Variants in ASAP1 observed in about 807,000 individuals in gnomAD.
The protein encoded by ASAP1 is arf-GAP with SH3 domain, ANK repeat and PH domain-containing protein 1.
A neutral mutation model predicts 145.2 loss-of-function variants in ASAP1; 43 were observed. The observed-to-expected ratio is 0.30, with a 90% CI of 0.23 to 0.38. The LOEUF (loss-of-function observed/expected upper bound fraction) is 0.38. ASAP1 is among the 10% of genes least tolerant of loss of function. The pLI, the probability that ASAP1 is intolerant of heterozygous loss-of-function variation, is 1.00. For synonymous variants in ASAP1, 546 were observed against 515.5 expected, an observed-to-expected ratio of 1.06 and a Z score of -0.80; for missense variants, 1,018 against 1,355.3, an observed-to-expected ratio of 0.75 and a Z score of 3.91.
chr8:130,127,733 G>C (rs1046195076), intron 16 of ASAP1, among the ~76,000 whole-genome samples, 194 bp downstream of exon 16: 2 of 152,122 alleles, frequency 1.3e-5, no homozygotes, highest in African/African-American at 4.8e-5. Flanking sequence ...AGCAAGAGGG[G>C]GCTTTCCAGG....
intron 1 of ASAP1, among the ~76,000 whole-genome samples, chr8:130,439,466 T>A (rs1417959985): frequency 2.0e-5 from 3 of 152,182 alleles, no homozygotes; most frequent in Non-Finnish European, 4.4e-5. Flanking sequence ...TTTATATGTC[T>A]ATCACCCCCA....
intron 3 of ASAP1, among the ~76,000 whole-genome samples, chr8:130,292,480 T>C (rs1822006933): frequency 6.6e-6 from 1 of 152,144 alleles, no homozygotes; most frequent in Admixed American, 6.5e-5. Flanking sequence ...GAAGAGGAAG[T>C]GAATGATTAG....
At chr8:130,230,529 T>TTCATTATTAAAATAATGAAGGAAC (rs1473824255) in intron 4 of ASAP1, among the ~76,000 whole-genome samples, 1 of 152,106 alleles carries the variant, frequency 6.6e-6, no homozygotes. Context: ...TCCTTGACCC[T>TTCATTATTAAAATAATGAAGGAAC]TCATTATTAA....
intron 3 of ASAP1, among the ~76,000 whole-genome samples, chr8:130,241,357 G>C (rs1818515769): frequency 6.6e-6 from 1 of 152,048 alleles, no homozygotes; most frequent in Non-Finnish European, 1.5e-5. Flanking sequence ...TTCATGATTT[G>C]TTTGCTTTTA....
rs773666790 is a variant in ASAP1, at chr8:130,118,524, C to A, written c.1759G>T (p.Val587Leu). Reference protein sequence around the residue: ...LALIQVYAEGVELMEPLLEPG... With the variant: ...LALIQVYAEGLELMEPLLEPG... ...TCCAGCAGTGGTTCCATTAGCTCTA[C>A]CCCTTCTGCATAGACTTGAATTAGT... is the stretch of plus-strand genomic sequence containing the variant. The change falls in exon 19 of 30, where the codon GTA becomes TTA. Residue 587 changes from valine to leucine, a missense_variant. By Grantham distance (32) the Val-to-Leu change is conservative. Transcript: ENST00000518721. 2 of 1,613,592 alleles carry A rather than the reference C, an allele frequency of 1.2e-6. No individual in the cohort carries two copies. Among genetic ancestry groups the A allele is most frequent in the African/African-American group, 1.3e-5 (1 of 74,928 alleles).
At chr8:130,336,215 T>A (rs1339531695) in intron 3 of ASAP1, among the ~76,000 whole-genome samples, 1 of 152,210 alleles carries the variant, frequency 6.6e-6, no homozygotes, top group Non-Finnish European at 1.5e-5. Context: ...GATTCCTGCT[T>A]CGAACTTAAT....
At chr8:130,332,355 C>G (rs765409405) in intron 3 of ASAP1, among the ~76,000 whole-genome samples, 4 of 152,182 alleles carry the variant, frequency 2.6e-5, no homozygotes, top group Non-Finnish European at 5.9e-5. Context: ...GAAGCCCATC[C>G]ACACCACCTG....
chr8:130,137,373 A>T (rs1299106676), intron 13 of ASAP1, among the ~76,000 whole-genome samples: 1 of 152,226 alleles, frequency 6.6e-6, no homozygotes, highest in African/African-American at 2.4e-5. Flanking sequence ...GTGATTTTTC[A>T]GAAGAGAATA....
intron 3 of ASAP1, among the ~76,000 whole-genome samples, chr8:130,300,147 CACACACAGAGAGAGAGAGAGAG>C (rs1822550747): frequency 1.0e-5 from 1 of 100,250 alleles, no homozygotes; most frequent in Non-Finnish European, 2.0e-5. Flanking sequence ...CACACACACA[CACACACAGAGAGAGAGAGAGAG>C]AGAGAGAGAG....
At chr8:130,133,698 A>C (rs950241956) in intron 15 of ASAP1, among the ~76,000 whole-genome samples, 23 of 152,004 alleles carry the variant, frequency 1.5e-4, no homozygotes, top group South Asian at 2.1e-4. Flanking sequence ...CAAAAAAAAA[A>C]ACAAAAAACT....
intron 3 of ASAP1, among the ~76,000 whole-genome samples, chr8:130,268,762 G>T (rs1262798374): frequency 6.6e-6 from 1 of 152,088 alleles, no homozygotes. Flanking sequence ...CATTTAGAGG[G>T]GAGGCATTCA....
At chr8:130,207,267 G>C (rs776019996) in intron 5 of ASAP1, among the ~76,000 whole-genome samples, 4 of 152,132 alleles carry the variant, frequency 2.6e-5, no homozygotes, top group Non-Finnish European at 5.9e-5. Context: ...GCTTTGATTA[G>C]GAAGGCATCT....
chr8:130,124,787 T>C (rs958742732), intron 17 of ASAP1, among the ~76,000 whole-genome samples: 3 of 152,138 alleles, frequency 2.0e-5, no homozygotes, highest in Non-Finnish European at 4.4e-5. Context: ...ACGTTTAGGA[T>C]TTGGACTTTC....
chr8:130,435,678 C>G (rs868514780), intron 1 of ASAP1, among the ~76,000 whole-genome samples: 3 of 152,118 alleles, frequency 2.0e-5, no homozygotes, highest in Admixed American at 1.3e-4. Context: ...AACTGAGACC[C>G]CTTTATAAAA....
intron 3 of ASAP1, among the ~76,000 whole-genome samples, chr8:130,342,772 T>C (rs1825467599): frequency 6.6e-6 from 1 of 152,046 alleles, no homozygotes; most frequent in Non-Finnish European, 1.5e-5. Flanking sequence ...AAAGTTGCTT[T>C]TGGCACCTTC....
chr8:130,434,209 G>C (rs930240706), intron 1 of ASAP1, among the ~76,000 whole-genome samples: 7 of 152,176 alleles, frequency 4.6e-5, no homozygotes, highest in African/African-American at 1.7e-4. Flanking sequence ...CCAGCTATTA[G>C]GGAGGCTGAG....
chr8:130,056,622 G>A (rs1367005629), intron 29 of ASAP1, among the ~76,000 whole-genome samples: 1 of 152,240 alleles, frequency 6.6e-6, no homozygotes, highest in African/African-American at 2.4e-5. Flanking sequence ...TGAGGTCACT[G>A]TCTAGGCCTG....
intron 3 of ASAP1, among the ~76,000 whole-genome samples, chr8:130,279,243 C>G (rs914386749): frequency 1.3e-5 from 2 of 152,176 alleles, no homozygotes; most frequent in Admixed American, 1.3e-4. Flanking sequence ...GGGGGAGGCA[C>G]AGGAAATTAC....
Position 130,182,835 on chromosome 8 carries a change from A to C in ASAP1, c.531-1955T>G, listed in dbSNP as rs797021525. Among the ~76,000 whole-genome samples, 3 of 149,848 alleles carry C rather than the reference A, an allele frequency of 2.0e-5. No homozygotes were observed. The East Asian group carries it at 5.8e-4, about 29-fold the overall frequency. ...GAAATAGAAACTATAAAAAGGCAAAAAAAAAAAAAAAAAAACCCAACTGAG... is the reference window on the plus strand; with the variant it reads ...GAAATAGAAACTATAAAAAGGCAAACAAAAAAAAAAAAAAACCCAACTGAG... On this transcript the variant is annotated intron_variant, in intron 7 of 29. Transcript: ENST00000518721.
Sources: gnomAD v4.1 joint callset for allele counts (sites outside exome capture counted in the v4.1 genomes callset) on GRCh38, gnomAD v4.1.1 for gene constraint, MANE v1.5 for transcripts, NCBI Gene and HGNC (gene_info 2026-07-23, HGNC 2026-07-21) for gene names.